The following DAB2IP variants were observed in gnomAD, a reference collection of about 807,000 sequenced individuals.
DAB2IP encodes the protein DAB2 interacting protein, also known as disabled homolog 2-interacting protein.
A neutral mutation model predicts 107.2 loss-of-function variants in DAB2IP; 28 were observed. That is an observed-to-expected ratio of 0.26 (90% CI 0.19 to 0.36). DAB2IP has a LOEUF of 0.36. DAB2IP is among the 10% of genes least tolerant of loss of function. DAB2IP has a pLI of 1.00. For synonymous variants in DAB2IP, 755 were observed against 706.4 expected (o/e 1.07, Z -1.09); for missense variants, 1,400 against 1,644.7 (o/e 0.85, Z 2.57).
chr9:121,586,528 A>G (rs1830317386), intron 1 of DAB2IP, among the ~76,000 whole-genome samples: 1 of 152,118 alleles, frequency 6.6e-6, no homozygotes, highest in African/African-American at 2.4e-5. Flanking sequence ...CCCTGTCTAC[A>G]GGGGAGAAAC....
At chr9:121,761,838 A>G (rs887353774) in intron 6 of DAB2IP, among the ~76,000 whole-genome samples, 7 of 152,112 alleles carry the variant, frequency 4.6e-5, no homozygotes, top group Admixed American at 2.0e-4. Context: ...GGCACCAGAG[A>G]GGGAGTGATG....
intron 3 of DAB2IP, among the ~76,000 whole-genome samples, chr9:121,710,945 G>A (rs1047264096): frequency 4.6e-5 from 7 of 152,230 alleles, no homozygotes; most frequent in African/African-American, 7.2e-5. Context: ...TGTTCTGCCC[G>A]GAGCCCATCC....
intron 1 of DAB2IP, among the ~76,000 whole-genome samples, chr9:121,632,471 C>T (rs1180047334): frequency 3.3e-5 from 5 of 152,156 alleles, no homozygotes; most frequent in Non-Finnish European, 7.4e-5. Flanking sequence ...TATCTGAGCA[C>T]AGACCAGGTC....
Position 121,599,337 on chromosome 9 carries a change from TCGGAG to T in DAB2IP, c.40+32115_40+32119del, listed in dbSNP as rs1448424967. On this transcript the variant is annotated intron_variant, in intron 1 of 16. Transcript: ENST00000259371. This position sits in a 1 kb window ranked among gnomAD's most constrained non-coding sequence, Gnocchi z 6.9. Reference sequence around the variant, plus strand: ...CGGCACCAGGCTGGGGAGCGTGTGCTCGGAGCGGAGGGCCTCGGCTCTGCCCAGTC... The same window carrying T: ...CGGCACCAGGCTGGGGAGCGTGTGCTCGGAGGGCCTCGGCTCTGCCCAGTC... 6.6e-6 allele frequency among the ~76,000 whole-genome samples: 1 copy of T among 152,086 alleles called. No homozygotes were observed. Among genetic ancestry groups the T allele is most frequent in the African/African-American group, 2.4e-5 (1 of 41,444 alleles).
chr9:121,582,185 G>A (rs1165044957), intron 1 of DAB2IP, among the ~76,000 whole-genome samples: 1 of 152,186 alleles, frequency 6.6e-6, no homozygotes, highest in Admixed American at 6.5e-5. Flanking sequence ...CAGCACAAAC[G>A]GGCCATTTTC....
intron 1 of DAB2IP, among the ~76,000 whole-genome samples, chr9:121,676,635 G>GCGCACACACACACACA (rs759946988): frequency 3.3e-5 from 5 of 150,430 alleles, no homozygotes; most frequent in African/African-American, 1.2e-4. Flanking sequence ...TTCTGCAGAC[G>GCGCACACACACACACA]CACACACACA....
intron 3 of DAB2IP, among the ~76,000 whole-genome samples, chr9:121,752,654 G>A (rs2118939854): frequency 6.6e-6 from 1 of 152,370 alleles, no homozygotes; most frequent in East Asian, 1.9e-4. Flanking sequence ...CCAGCAGGCA[G>A]GCCGCTGCGA....
rs987482388 is a variant in DAB2IP, at chr9:121,635,467, C to T, written c.41-43211C>T. On this transcript the variant is annotated intron_variant, in intron 1 of 16. Transcript: ENST00000259371. The surrounding 1 kb of genome is among the most constrained non-coding windows in gnomAD (Gnocchi z 4.3). The stretch of plus-strand genomic sequence containing the variant: ...GGTCTCTCTGGCCATAGGTTCAGGG[C>T]CACCTCCTGTGGACCTACTGTGTGC... 3.9e-5 allele frequency among the ~76,000 whole-genome samples: 6 copies of T among 152,190 alleles called. No homozygotes were observed. The highest frequency in any genetic ancestry group is 1.4e-4 in the African/African-American group (6 of 41,444).
intron 1 of DAB2IP, among the ~76,000 whole-genome samples, chr9:121,603,163 G>A (rs1221205267): frequency 2.0e-5 from 3 of 152,158 alleles, no homozygotes; most frequent in South Asian, 2.1e-4. Context: ...GGAGAGGAGC[G>A]GGGTGGTTCT....
chr9:121,768,695 C>T, intron 10 of DAB2IP, 62 bp downstream of exon 10: 1 of 1,593,942 alleles, frequency 6.3e-7, no homozygotes, highest in Non-Finnish European at 8.5e-7. Flanking sequence ...TAGTGTTCCC[C>T]CTTCCAGAGT....
At chr9:121,591,239 C>G (rs1013665226) in intron 1 of DAB2IP, among the ~76,000 whole-genome samples, 1 of 152,078 alleles carries the variant, frequency 6.6e-6, no homozygotes, top group East Asian at 1.9e-4. Context: ...GAGGCTAAGG[C>G]GGGTGGATCA....
intron 3 of DAB2IP, among the ~76,000 whole-genome samples, chr9:121,747,931 CA>C (rs1832831438): frequency 6.6e-6 from 1 of 151,642 alleles, no homozygotes; most frequent in African/African-American, 2.4e-5. Flanking sequence ...TTGAAAACTC[CA>C]TTAGGCTTGC....
At chr9:121,649,296 A>T (rs947123048), upstream of DAB2IP, among the ~76,000 whole-genome samples, 1 of 105,232 alleles carries the variant, frequency 9.5e-6, no homozygotes, top group African/African-American at 2.7e-5. Context: ...ACTAAGGCAC[A>T]GAGAAGGACT....
intron 1 of DAB2IP, among the ~76,000 whole-genome samples, chr9:121,622,505 C>T (rs1831509021): frequency 6.6e-6 from 1 of 152,182 alleles, no homozygotes; most frequent in Non-Finnish European, 1.5e-5. Context: ...TTGTGACTCA[C>T]TGTCTCGAAG....
chr9:121,642,026 T>TCC (rs1832354903), intron 1 of DAB2IP, among the ~76,000 whole-genome samples: 1 of 37,446 alleles, frequency 2.7e-5, no homozygotes, highest in Non-Finnish European at 4.9e-5. Flanking sequence ...TCTCTCTCTC[T>TCC]CTCTCTTTCT....
At position 121,678,721 on chromosome 9, in the gene DAB2IP, C is replaced by T. The variant is rs748237680; in HGVS notation, c.168C>T (p.Gly56=). ...CGGGCTCTCGGCGCAGCCTGCCTGGCAGCCTTTCCGAGAAGAGCCCCAGCA... is the reference window on the plus strand; with the variant it reads ...CGGGCTCTCGGCGCAGCCTGCCTGGTAGCCTTTCCGAGAAGAGCCCCAGCA... The change falls in exon 2 of 16, where the codon GGC becomes GGT. Residue 56 remains glycine, a synonymous_variant. Transcript: ENST00000408936. 3.8e-6 allele frequency: 6 copies of T among 1,597,326 alleles called. No homozygotes were observed. In the African/African-American group the frequency reaches 6.7e-5, roughly 18 times the overall value.
At chr9:121,603,872 G>A (rs572724159) in intron 1 of DAB2IP, among the ~76,000 whole-genome samples, 1 of 152,254 alleles carries the variant, frequency 6.6e-6, no homozygotes, top group East Asian at 1.9e-4. Flanking sequence ...CTCAGGGCAT[G>A]GGTGAGGGGT....
At chr9:121,677,663 TC>T (rs1202508794) in intron 1 of DAB2IP, among the ~76,000 whole-genome samples, 3 of 151,962 alleles carry the variant, frequency 2.0e-5, no homozygotes, top group African/African-American at 7.3e-5. Flanking sequence ...GGGGAACCTT[TC>T]CCCCCGCTTT....
intron 1 of DAB2IP, among the ~76,000 whole-genome samples, chr9:121,586,563 G>C (rs1564685039): frequency 6.6e-6 from 1 of 152,056 alleles, no homozygotes. Flanking sequence ...GAATTGCAGT[G>C]GCCTGGCACC....
Sources: allele counts gnomAD v4.1 joint callset (sites outside exome capture counted in the v4.1 genomes callset), GRCh38; gene constraint gnomAD v4.1.1; non-coding constraint Gnocchi (gnomAD v3.1); transcripts MANE v1.5; gene names NCBI Gene and HGNC (gene_info 2026-07-23, HGNC 2026-07-21).